SMPD3: variants seen among roughly 807,000 people sequenced by gnomAD.
The protein encoded by SMPD3 is sphingomyelin phosphodiesterase 3.
SMPD3 carries 21 observed loss-of-function variants against 55.7 expected under a neutral mutation model. That is an observed-to-expected ratio of 0.38 (90% confidence interval 0.27 to 0.54). The LOEUF (loss-of-function observed/expected upper bound fraction) is 0.54, where lower values mean the gene tolerates loss of function less well. SMPD3 is among the 20% of genes least tolerant of loss of function. The pLI is 0.80. For missense variants in SMPD3, 842 were observed against 899.6 expected (o/e 0.94, Z 0.82); for synonymous variants, 457 against 404.3 (o/e 1.13, Z -1.56).
At chr16:68,420,983 A>G (rs769156821) in intron 1 of SMPD3, among the ~76,000 whole-genome samples, 1 of 152,162 alleles carries the variant, frequency 6.6e-6, no homozygotes, top group African/African-American at 2.4e-5. Context: ...GGCCAAAATC[A>G]TTTGTGGAGA....
intron 2 of SMPD3, among the ~76,000 whole-genome samples, chr16:68,376,947 G>C (rs939616122): frequency 1.8e-4 from 27 of 152,306 alleles, no homozygotes; most frequent in African/African-American, 6.5e-4. Context: ...TAGAGACCTG[G>C]CCAGGCCCTG....
intron 1 of SMPD3, among the ~76,000 whole-genome samples, chr16:68,398,955 A>G (rs2090183602): frequency 6.6e-6 from 1 of 152,214 alleles, no homozygotes; most frequent in Admixed American, 6.5e-5. Flanking sequence ...CATCGTGGCC[A>G]GGAGCTCTGG....
intron 1 of SMPD3, among the ~76,000 whole-genome samples, chr16:68,420,613 C>A (rs2090385493): frequency 6.6e-6 from 1 of 152,214 alleles, no homozygotes; most frequent in Non-Finnish European, 1.5e-5. Context: ...GGCCTGCCTC[C>A]TCCAGCTAAG....
At chr16:68,363,714 T>C (rs1310894847) in intron 6 of SMPD3, 63 bp downstream of exon 6, 7 of 1,498,300 alleles carry the variant, frequency 4.7e-6, no homozygotes, top group African/African-American at 1.4e-5. Flanking sequence ...TAGGTCCTGG[T>C]GATCTTTGAG....
intron 2 of SMPD3, among the ~76,000 whole-genome samples, chr16:68,377,133 C>A (rs139582949): frequency 1.5e-3 from 225 of 152,342 alleles, no homozygotes; most frequent in African/African-American, 5.2e-3. Context: ...CCTTCAGGAG[C>A]CTCAGAGACA....
chr16:68,364,232 T>C (rs1329181580), intron 5 of SMPD3, among the ~76,000 whole-genome samples: 2 of 152,212 alleles, frequency 1.3e-5, no homozygotes, highest in African/African-American at 4.8e-5. Context: ...GACGAGCTTG[T>C]AGTCTTTCAC....
At chr16:68,421,684 G>A (rs925214293) in intron 1 of SMPD3, among the ~76,000 whole-genome samples, 2 of 152,122 alleles carry the variant, frequency 1.3e-5, no homozygotes, top group South Asian at 2.1e-4. Flanking sequence ...CTCATAGCTC[G>A]GCCTCCATTC....
chr16:68,389,859 C>T (rs946379148), intron 1 of SMPD3, among the ~76,000 whole-genome samples: 13 of 152,182 alleles, frequency 8.5e-5, no homozygotes, highest in African/African-American at 3.1e-4. Context: ...TGATCCAGAC[C>T]TCAAGAAAGG....
intron 1 of SMPD3, among the ~76,000 whole-genome samples, chr16:68,436,108 C>T (rs187550759): frequency 3.3e-5 from 5 of 152,334 alleles, no homozygotes; most frequent in Non-Finnish European, 7.3e-5. Flanking sequence ...TTACTCTAAC[C>T]TCCATGCTGC....
chr16:68,371,484 G>C lies in SMPD3; in HGVS notation c.698C>G (p.Pro233Arg), dbSNP rs927781952. 14 of 1,598,808 alleles carry C rather than the reference G, an allele frequency of 8.8e-6. No individual in the cohort carries two copies. Among genetic ancestry groups the C allele is most frequent in the Non-Finnish European group, 1.2e-5 (14 of 1,179,532 alleles). ...EAANGPASGD[P>R]VDSSSPEDAC... is the part of the protein sequence containing the mutation. ...ATCCTCCGGGCTGCTGCTGTCGACAGGGTCCCCAGAGGCTGGGCCGTTGGC... is the reference window on the plus strand; with the variant it reads ...ATCCTCCGGGCTGCTGCTGTCGACACGGTCCCCAGAGGCTGGGCCGTTGGC... The change falls in exon 3 of 9, where the codon CCT (proline) becomes CGT (arginine). Residue 233 changes from proline to arginine, a missense_variant. By Grantham distance (103) the Pro-to-Arg change is moderately radical (BLOSUM62 -2). Coordinates refer to ENST00000219334, the MANE Select transcript of SMPD3 (RefSeq NM_018667.4).
At chr16:68,363,437 C>G (rs2089375388) in intron 7 of SMPD3, 59 bp downstream of exon 7, 1 of 1,595,992 alleles carries the variant, frequency 6.3e-7, no homozygotes, top group South Asian at 1.1e-5. Context: ...CCTGCCCAGT[C>G]CCTGTCTCCA....
intron 3 of SMPD3, chr16:68,369,005 G>A (rs1029401803): frequency 6.6e-6 from 1 of 152,196 alleles, no homozygotes; most frequent in African/African-American, 2.4e-5. Flanking sequence ...ATCACCTGAG[G>A]TCGGGAGTTT....
intron 1 of SMPD3, among the ~76,000 whole-genome samples, chr16:68,442,855 G>T (rs1302480306): frequency 6.6e-6 from 1 of 152,210 alleles, no homozygotes; most frequent in Admixed American, 6.5e-5. Context: ...GGGGTGCCGG[G>T]TCCTTGGCTT....
At chr16:68,441,051 G>A (rs2090561882) in intron 1 of SMPD3, among the ~76,000 whole-genome samples, 3 of 152,132 alleles carry the variant, frequency 2.0e-5, no homozygotes, top group African/African-American at 7.2e-5. Context: ...TAAATCTTTT[G>A]CTTGATTTAT....
chr16:68,376,370 C>T (rs1390269940), intron 2 of SMPD3, among the ~76,000 whole-genome samples: 1 of 152,216 alleles, frequency 6.6e-6, no homozygotes, highest in Non-Finnish European at 1.5e-5. Context: ...CAGAGTCTGT[C>T]TCCAGGTGGG....
At chr16:68,409,973 T>G (rs1180789167) in intron 1 of SMPD3, among the ~76,000 whole-genome samples, 1 of 152,090 alleles carries the variant, frequency 6.6e-6, no homozygotes, top group Non-Finnish European at 1.5e-5. Flanking sequence ...TGACAAGAGG[T>G]TTCACACCTC....
rs747545915 is a variant in SMPD3, at chr16:68,363,486, C to T, written c.1709+10G>A. On this transcript the variant is annotated intron_variant, in intron 7 of 8. Coordinates refer to ENST00000219334, the MANE Select transcript of SMPD3 (RefSeq NM_018667.4). ...GTGCCTCGTCCCTGGCCTGGGAGCG[C>T]AGTGCTTACTTCTGCAGGTTGTCGG... 2.0e-5 allele frequency: 33 copies of T among 1,613,928 alleles called. No individual in the cohort carries two copies. Among genetic ancestry groups the T allele is most frequent in the Non-Finnish European group, 2.5e-5 (29 of 1,179,992 alleles).
At chr16:68,442,624 C>T (rs747681777) in intron 1 of SMPD3, among the ~76,000 whole-genome samples, 1 of 152,180 alleles carries the variant, frequency 6.6e-6, no homozygotes, top group African/African-American at 2.4e-5. Context: ...TCTTAACAAT[C>T]TAAGCTTTCT....
intron 2 of SMPD3, among the ~76,000 whole-genome samples, chr16:68,372,908 C>A (rs1414259459): frequency 6.6e-6 from 1 of 152,208 alleles, no homozygotes; most frequent in Non-Finnish European, 1.5e-5. Context: ...GGGCCAGAGA[C>A]TCCTGGAGCA....
Sources: gnomAD v4.1 joint callset for allele counts (sites outside exome capture counted in the v4.1 genomes callset) on GRCh38, gnomAD v4.1.1 for gene constraint, MANE v1.5 for transcripts, NCBI Gene and HGNC (gene_info 2026-07-23, HGNC 2026-07-21) for gene names.